Variants in PAK6 observed in about 807,000 individuals in gnomAD.
PAK6 encodes the protein p21 (RAC1) activated kinase 6.
PAK6 carries 33 observed loss-of-function variants against 60.8 expected under a neutral mutation model. That is an observed-to-expected ratio of 0.54 (90% CI 0.41 to 0.73). PAK6 has a LOEUF of 0.73. Among genes scored for constraint, PAK6 ranks in the 30% least tolerant of loss-of-function variants. The pLI is 0.00. For missense variants in PAK6, 845 were observed against 904.1 expected (o/e 0.93, Z 0.84); for synonymous variants, 404 against 378.5 (o/e 1.07, Z -0.78).
In PAK6 at chr15:40,240,636, T is replaced by C. The variant is rs903793031; in HGVS notation, c.-163T>C. ...CCTGGGCTAGAGACAAGCACCAGCC[T>C]GCAGTGGAGAACGCAGGACCCCGCT... On this transcript the variant is annotated 5_prime_UTR_variant, in exon 2 of 11. Transcript: ENST00000560346. 3.9e-5 allele frequency: 17 copies of C among 435,348 alleles called. No homozygotes were observed. The Admixed American group carries it at 4.4e-4, about 11-fold the overall frequency. The allele number at this position is 435,348 out of a possible 1,614,324, so 27.0% of individuals were successfully genotyped here. A position where few individuals can be genotyped will look rare whatever the true frequency, so the allele number is the denominator to read the frequency against.
chr15:40,259,642 C>G (rs571807350), intron 3 of PAK6: 1 of 152,008 alleles, frequency 6.6e-6, no homozygotes, highest in East Asian at 1.9e-4. Flanking sequence ...CAAAAATTAG[C>G]CGGACGTGGT....
At chr15:40,241,206 G>A (rs905017069) in intron 2 of PAK6, among the ~76,000 whole-genome samples, 3 of 152,204 alleles carry the variant, frequency 2.0e-5, no homozygotes, top group African/African-American at 7.2e-5. Context: ...TGGATGACCT[G>A]GTCAGCTTTG....
At chr15:40,269,587 A>T (rs751785101) in intron 5 of PAK6, among the ~76,000 whole-genome samples, 1 of 152,152 alleles carries the variant, frequency 6.6e-6, no homozygotes, top group African/African-American at 2.4e-5. Context: ...CACAAGTTTC[A>T]TCTGGTCCTT....
chr15:40,261,411 C>T (rs1396160684), intron 3 of PAK6, among the ~76,000 whole-genome samples: 1 of 151,890 alleles, frequency 6.6e-6, no homozygotes, highest in East Asian at 2.0e-4. Flanking sequence ...ATGGCGTGCG[C>T]CTGTAGTCCC....
chr15:40,252,904 G>T, intron 2 of PAK6: 6 of 1,191,434 alleles, frequency 5.0e-6, no homozygotes, highest in Non-Finnish European at 6.4e-6. Flanking sequence ...TCCCCGAGAG[G>T]GCGCAGCAGT....
Position 40,257,223 on chromosome 15 carries a change from G to A in PAK6, c.-6+3934G>A, listed in dbSNP as rs2038861248. The A allele has an allele frequency of 2.0e-5, 3 of 152,558 alleles. No homozygotes were observed. The South Asian group carries it at 6.2e-4, about 32-fold the overall frequency. The allele number at this position is 152,558 out of a possible 1,614,324, so 9.5% of individuals were successfully genotyped here. A position where few individuals can be genotyped will look rare whatever the true frequency, so the allele number is the denominator to read the frequency against. On this transcript the variant is annotated intron_variant, in intron 3 of 10. Coordinates refer to ENST00000560346, the Ensembl canonical transcript of PAK6. ...CTTCCCAGTCGCCCGCAAATGGCAG[G>A]GAATTCCACCAGCTTCATTTCTAAC...
Position 40,270,977 on chromosome 15 carries a change from G to C in PAK6, c.859-1247G>C, listed in dbSNP as rs529314219. ...GCCCAAGGCCCAGATTTGGGGTTTGGGGTCCCTGAGCAAGCATCCCAGCCC... is the reference window on the plus strand; with the variant it reads ...GCCCAAGGCCCAGATTTGGGGTTTGCGGTCCCTGAGCAAGCATCCCAGCCC... On this transcript the variant is annotated intron_variant, in intron 5 of 10. Transcript: ENST00000560346. Among the ~76,000 whole-genome samples, 8 of 152,322 alleles carry C rather than the reference G, an allele frequency of 5.3e-5. No homozygotes were observed. The South Asian group carries it at 1.0e-3, about 20-fold the overall frequency.
intron 5 of PAK6, among the ~76,000 whole-genome samples, chr15:40,270,917 AG>A (rs1240965424): frequency 6.6e-6 from 1 of 152,144 alleles, no homozygotes; most frequent in African/African-American, 2.4e-5. Flanking sequence ...GAAGGGAGTG[AG>A]GGTTGCCAAA....
intron 3 of PAK6, chr15:40,259,597 G>C (rs2038929578): frequency 1.3e-5 from 2 of 152,090 alleles, no homozygotes; most frequent in Admixed American, 1.3e-4. Context: ...GATCAGCCCA[G>C]CCAACATGGT....
intron 3 of PAK6, chr15:40,260,402 C>T (rs2038952202): frequency 6.6e-6 from 1 of 152,192 alleles, no homozygotes; most frequent in African/African-American, 2.4e-5. Flanking sequence ...TGTCATTAAT[C>T]AAATGACCTC....
intron 2 of PAK6, among the ~76,000 whole-genome samples, chr15:40,248,708 A>G (rs2038567951): frequency 1.3e-5 from 2 of 151,108 alleles, no homozygotes; most frequent in South Asian, 2.1e-4. Context: ...TTACACAGAA[A>G]TAGGAAGGGA....
intron 3 of PAK6, chr15:40,264,000 T>C (rs1357118919): frequency 6.6e-6 from 3 of 454,388 alleles, no homozygotes; most frequent in Non-Finnish European, 1.3e-5. Context: ...CTGGAGAGCT[T>C]TACCCCTAAG....
exon 4 of PAK6, chr15:40,264,786 A>G: frequency 6.2e-7 from 1 of 1,613,674 alleles, no homozygotes; most frequent in South Asian, 1.1e-5. Flanking sequence ...TACAGGCACC[A>G]TGTTCCGCAA....
exon 11 of PAK6, chr15:40,276,032 G>A (rs759863961): frequency 6.2e-7 from 1 of 1,613,620 alleles, no homozygotes; most frequent in Non-Finnish European, 8.5e-7. Context: ...GCTGCAGACA[G>A]GGCTACCTGA....
intron 2 of PAK6, among the ~76,000 whole-genome samples, chr15:40,243,134 T>C (rs533542064): frequency 8.5e-5 from 13 of 152,326 alleles, no homozygotes; most frequent in African/African-American, 2.6e-4. Flanking sequence ...CCAGATAATT[T>C]ATAAATTTAC....
chr15:40,265,818 C>T (rs35763606), intron 4 of PAK6, 24 bp from the exon 5 acceptor site: 1,043 of 1,503,966 alleles, frequency 6.9e-4, no homozygotes, highest in Non-Finnish European at 8.5e-4. Flanking sequence ...AGCTCCCACA[C>T]ACTCTTTTCT....
chr15:40,256,144 G>C (rs528538611), intron 3 of PAK6, among the ~76,000 whole-genome samples: 1 of 152,192 alleles, frequency 6.6e-6, no homozygotes, highest in Non-Finnish European at 1.5e-5. Context: ...AGGGTGGGTT[G>C]AGGCCAGACG....
intron 3 of PAK6, among the ~76,000 whole-genome samples, chr15:40,261,099 A>G (rs565815897): frequency 1.8e-4 from 28 of 151,674 alleles, no homozygotes; most frequent in South Asian, 6.3e-4. Flanking sequence ...CGTGTTAGCC[A>G]GGATGATCTC....
At chr15:40,269,392 G>A (rs1236428797) in intron 5 of PAK6, among the ~76,000 whole-genome samples, 1 of 152,194 alleles carries the variant, frequency 6.6e-6, no homozygotes, top group Admixed American at 6.5e-5. Flanking sequence ...AGCCCCCTAA[G>A]CCCACAGCTG....
Sources: allele counts gnomAD v4.1 joint callset (sites outside exome capture counted in the v4.1 genomes callset), GRCh38; gene constraint gnomAD v4.1.1; transcripts MANE v1.5; gene names NCBI Gene and HGNC (gene_info 2026-07-23, HGNC 2026-07-21).